Variants in IL1RAPL1 observed in about 807,000 individuals in gnomAD.
IL1RAPL1 encodes interleukin 1 receptor accessory protein like 1.
A neutral mutation model predicts 48.4 loss-of-function variants in IL1RAPL1; 3 were observed. That is an observed-to-expected ratio of 0.06 (90% CI 0.03 to 0.16). The LOEUF (loss-of-function observed/expected upper bound fraction) is 0.16, where lower values mean the gene tolerates loss of function less well. IL1RAPL1 is among the 10% of genes least tolerant of loss of function. The pLI is 1.00. For missense variants in IL1RAPL1, 349 were observed against 530.6 expected (o/e 0.66, Z 3.36); for synonymous variants, 185 against 187.7 (o/e 0.99, Z 0.12).
At chrX:29,909,220 A>AAAAT (rs1396874339) in intron 6 of IL1RAPL1, among the ~76,000 whole-genome samples, 1 of 111,059 alleles carries the variant, frequency 9.0e-6, no homozygotes, top group Non-Finnish European at 1.9e-5. Flanking sequence ...ATTTAAAAAT[A>AAAAT]AAATAAAAAA....
At chrX:28,701,418 G>T (rs776076874) in intron 1 of IL1RAPL1, among the ~76,000 whole-genome samples, 1 of 111,869 alleles carries the variant, frequency 8.9e-6, no homozygotes, top group South Asian at 3.7e-4. Context: ...ACAGGGGGCA[G>T]TTATTTTCCT....
chrX:29,899,839 C>T (rs891199078), intron 6 of IL1RAPL1, among the ~76,000 whole-genome samples: 2 of 111,530 alleles, frequency 1.8e-5, no homozygotes, highest in African/African-American at 3.3e-5. Flanking sequence ...CCACCACACC[C>T]GGCCAACAGT....
intron 6 of IL1RAPL1, among the ~76,000 whole-genome samples, chrX:29,885,328 A>G (rs1231920278): frequency 8.9e-6 from 1 of 111,736 alleles, no homozygotes; most frequent in African/African-American, 3.3e-5. Flanking sequence ...CTTTCCCCAT[A>G]TATCTTATCA....
At chrX:29,356,078 A>C (rs956455012) in intron 3 of IL1RAPL1, among the ~76,000 whole-genome samples, 1 of 111,565 alleles carries the variant, frequency 9.0e-6, no homozygotes, top group Admixed American at 9.6e-5. Flanking sequence ...CTGAAATTTT[A>C]TTTTGGGTAC....
intron 2 of IL1RAPL1, among the ~76,000 whole-genome samples, chrX:29,044,087 A>G (rs895407236): frequency 2.7e-5 from 3 of 112,064 alleles, no homozygotes; most frequent in African/African-American, 6.5e-5. Flanking sequence ...TGGAACTTTG[A>G]AGGAAATTTT....
At chrX:28,970,727 C>G (rs1461906844) in intron 2 of IL1RAPL1, among the ~76,000 whole-genome samples, 2 of 111,524 alleles carry the variant, frequency 1.8e-5, no homozygotes, top group Non-Finnish European at 3.8e-5. Context: ...TTTAAAAAAA[C>G]TAACTTTTTA....
rs767665686 is a variant in IL1RAPL1 at position 29,300,912 on chromosome X, CT to C, written c.362+17696del. On this transcript the variant is annotated intron_variant, in intron 3 of 10. Transcript: ENST00000378993. ...TCTCTCTTTACCCTAATCGCCCCCCCTGGAGGAAATAACATTTTTGTTTGTC... is the reference window on the plus strand; with the variant it reads ...TCTCTCTTTACCCTAATCGCCCCCCCGGAGGAAATAACATTTTTGTTTGTC... Among the ~76,000 whole-genome samples, 820 of 111,605 alleles carry C rather than the reference CT, an allele frequency of 7.3e-3. 5 individuals carry two copies. Among genetic ancestry groups the C allele is most frequent in the African/African-American group, 0.026 (788 of 30,735 alleles).
chrX:29,084,002 C>A (rs1474724799), intron 2 of IL1RAPL1, among the ~76,000 whole-genome samples: 1 of 111,098 alleles, frequency 9.0e-6, no homozygotes, highest in Non-Finnish European at 1.9e-5. Flanking sequence ...CATGAAAAGC[C>A]ACCAAAGGGA....
chrX:29,364,562 CAA>C (rs766680904), intron 3 of IL1RAPL1, among the ~76,000 whole-genome samples: 83 of 43,541 alleles, frequency 1.9e-3, no homozygotes, highest in Admixed American at 3.4e-3. Context: ...GACTCTATCT[CAA>C]AAAAAAAAAA....
intron 2 of IL1RAPL1, among the ~76,000 whole-genome samples, chrX:29,269,366 T>A (rs1207256594): frequency 2.7e-5 from 3 of 111,449 alleles, no homozygotes; most frequent in Non-Finnish European, 5.7e-5. Context: ...TATTAACAAC[T>A]GGCCAGTACA....
chrX:28,776,251 T>C (rs895714237), intron 1 of IL1RAPL1, among the ~76,000 whole-genome samples: 6 of 111,817 alleles, frequency 5.4e-5, no homozygotes, highest in African/African-American at 1.6e-4. Context: ...ATGTGTAGTA[T>C]TTCTAGATGT....
intron 2 of IL1RAPL1, among the ~76,000 whole-genome samples, chrX:28,896,831 A>T (rs1053102296): frequency 2.7e-5 from 3 of 110,292 alleles, no homozygotes; most frequent in African/African-American, 9.9e-5. Context: ...GTAGGGAGGG[A>T]ACAATGTGTG....
chrX:28,829,943 T>C (rs73631605), intron 2 of IL1RAPL1, among the ~76,000 whole-genome samples: 2,996 of 111,433 alleles, frequency 0.027, 102 homozygotes, highest in African/African-American at 0.092. Flanking sequence ...TGTATGACAT[T>C]GATTGAATTT....
At chrX:28,702,284 C>T (rs1165893234) in intron 1 of IL1RAPL1, among the ~76,000 whole-genome samples, 4 of 111,634 alleles carry the variant, frequency 3.6e-5, no homozygotes, top group Non-Finnish European at 5.7e-5. Flanking sequence ...GTTATTAACT[C>T]AGCTTAAGCA....
chrX:29,300,306 CA>C (rs1365941764), intron 3 of IL1RAPL1, among the ~76,000 whole-genome samples: 1 of 111,267 alleles, frequency 9.0e-6, no homozygotes, highest in Non-Finnish European at 1.9e-5. Flanking sequence ...CGGCACCTAA[CA>C]CAGTGCCCAG....
chrX:29,373,952 C>G (rs1461106009), intron 3 of IL1RAPL1, among the ~76,000 whole-genome samples: 1 of 90,605 alleles, frequency 1.1e-5, no homozygotes, highest in Non-Finnish European at 2.1e-5. Flanking sequence ...AGGCAGTCCT[C>G]CCTCCTCAGC....
intron 6 of IL1RAPL1, among the ~76,000 whole-genome samples, chrX:29,766,358 TATATAG>T (rs1489502791): frequency 2.8e-3 from 222 of 80,628 alleles, no homozygotes; most frequent in South Asian, 0.016. Context: ...TATATATATA[TATATAG>T]ATAGATAGAT....
chrX:29,430,710 GTC>G (rs1474001520), intron 5 of IL1RAPL1, among the ~76,000 whole-genome samples: 1 of 109,603 alleles, frequency 9.1e-6, no homozygotes, highest in African/African-American at 3.3e-5. Context: ...ATGTAAATAA[GTC>G]TAATGTATAC....
chrX:29,842,485 A>T (rs1435565376), intron 6 of IL1RAPL1, among the ~76,000 whole-genome samples: 2 of 112,393 alleles, frequency 1.8e-5, no homozygotes, highest in African/African-American at 6.5e-5. Context: ...TTCTGGGACT[A>T]TTTGGAGTGT....
Sources: gnomAD v4.1 joint callset for allele counts (sites outside exome capture counted in the v4.1 genomes callset) on GRCh38, gnomAD v4.1.1 for gene constraint, MANE v1.5 for transcripts, NCBI Gene and HGNC (gene_info 2026-07-23, HGNC 2026-07-21) for gene names.